The following RNF130 variants were observed in gnomAD, a reference collection of about 807,000 sequenced individuals.
The protein encoded by RNF130 is ring finger protein 130.
In RNF130, 21 loss-of-function variants were observed where a neutral mutation model predicts 44.6. The ratio of observed to expected loss-of-function variants is 0.47; its 90% CI spans 0.33 to 0.68. The LOEUF (loss-of-function observed/expected upper bound fraction) is 0.68, where lower values mean the gene tolerates loss of function less well. RNF130 is among the 30% of genes least tolerant of loss of function. RNF130 has a pLI of 0.02. For synonymous variants in RNF130, 214 were observed against 210.4 expected (o/e 1.02, Z -0.15); for missense variants, 479 against 560.6 (o/e 0.85, Z 1.47).
intron 4 of RNF130, among the ~76,000 whole-genome samples, chr5:179,979,437 C>A (rs925366936): frequency 2.6e-5 from 4 of 151,864 alleles, no homozygotes; most frequent in Non-Finnish European, 1.5e-5. Flanking sequence ...CTTCCAGGCA[C>A]AAGTCTGTGC....
intron 7 of RNF130, among the ~76,000 whole-genome samples, chr5:179,965,984 G>T (rs1762434544): frequency 1.3e-5 from 2 of 152,182 alleles, no homozygotes; most frequent in Non-Finnish European, 2.9e-5. Flanking sequence ...AGCAGCAGGT[G>T]CTGGGAAAGG....
chr5:180,067,448 G>A (rs1178216129), intron 1 of RNF130, among the ~76,000 whole-genome samples: 1 of 152,174 alleles, frequency 6.6e-6, no homozygotes, highest in Non-Finnish European at 1.5e-5. Flanking sequence ...GGCAGTAAAT[G>A]TAGATAACGT....
chr5:179,988,300 CTGATTT>C (rs1762999974), intron 3 of RNF130, among the ~76,000 whole-genome samples: 1 of 152,070 alleles, frequency 6.6e-6, no homozygotes, highest in African/African-American at 2.4e-5. Context: ...TTTTTCACTT[CTGATTT>C]TATTTGAGGC....
chr5:179,956,795 G>A (rs1182059046), intron 8 of RNF130, among the ~76,000 whole-genome samples: 2 of 152,212 alleles, frequency 1.3e-5, no homozygotes, highest in Non-Finnish European at 2.9e-5. Flanking sequence ...GTACGCACAT[G>A]AGGGCATAGC....
chr5:179,992,647 C>T (rs1763112310), intron 3 of RNF130, among the ~76,000 whole-genome samples: 1 of 152,088 alleles, frequency 6.6e-6, no homozygotes, highest in Non-Finnish European at 1.5e-5. Context: ...ATATTGACTT[C>T]TTCACATCTG....
chr5:180,026,177 T>TA (rs983786009), intron 2 of RNF130, among the ~76,000 whole-genome samples: 1 of 151,610 alleles, frequency 6.6e-6, no homozygotes, highest in Non-Finnish European at 1.5e-5. Flanking sequence ...ATAAAAAGAT[T>TA]AAAAAGCAAC....
At chr5:180,013,425 T>C in intron 2 of RNF130, 114 bp from the exon 3 acceptor site, 1 of 912,968 alleles carries the variant, frequency 1.1e-6, no homozygotes, top group Non-Finnish European at 1.6e-6. Flanking sequence ...GGAAAGGGTA[T>C]GCAAACTCCA....
At chr5:179,973,711 C>T (rs1433601467) in intron 5 of RNF130, among the ~76,000 whole-genome samples, 1 of 152,114 alleles carries the variant, frequency 6.6e-6, no homozygotes, top group East Asian at 1.9e-4. Context: ...CAGAAAGAGG[C>T]ACCTGGGGCA....
chr5:179,990,999 C>CCACA (rs1333256607), intron 3 of RNF130, among the ~76,000 whole-genome samples: 2 of 152,184 alleles, frequency 1.3e-5, no homozygotes, highest in Non-Finnish European at 2.9e-5. Flanking sequence ...GCCTCGGCAC[C>CCACA]TGGGTGGCTT....
chr5:180,064,923 T>C (rs959264440), intron 1 of RNF130, among the ~76,000 whole-genome samples: 1 of 974 alleles, frequency 1.0e-3, no homozygotes, highest in African/African-American at 1.1e-3. Context: ...AGGATTCCAC[T>C]TACTTCTCTC....
chr5:180,064,905 C>T (rs1320377630), intron 1 of RNF130, among the ~76,000 whole-genome samples: 1 of 132,172 alleles, frequency 7.6e-6, no homozygotes, highest in Admixed American at 8.2e-5. Context: ...AAAGCCAAGT[C>T]CTGAACTAGG....
chr5:179,952,840 C>T (rs1232855971), downstream of RNF130, among the ~76,000 whole-genome samples: 1 of 151,802 alleles, frequency 6.6e-6, no homozygotes, highest in Non-Finnish European at 1.5e-5. Flanking sequence ...GTAACTTTCT[C>T]AACTTGATAA....
At chr5:180,042,960 G>A (rs1012864103) in intron 1 of RNF130, among the ~76,000 whole-genome samples, 4 of 152,274 alleles carry the variant, frequency 2.6e-5, no homozygotes, top group Admixed American at 1.3e-4. Context: ...TCTTTAATTT[G>A]TACTTATTTA....
chr5:179,949,355 CTT>C (rs1437315837), intron 7 of RNF130, among the ~76,000 whole-genome samples: 5 of 151,554 alleles, frequency 3.3e-5, no homozygotes, highest in South Asian at 4.2e-4. Context: ...TCCTTGAACT[CTT>C]GGGCTCAAGT....
intron 6 of RNF130, among the ~76,000 whole-genome samples, 158 bp from the exon 7 acceptor site, chr5:179,967,168 T>C (rs1762469845): frequency 6.6e-6 from 1 of 152,170 alleles, no homozygotes; most frequent in Admixed American, 6.5e-5. Context: ...ACCTACTCCT[T>C]CTTCTCTCAC....
Position 179,996,947 on chromosome 5 carries a change from C to G in RNF130, c.693+16114G>C, listed in dbSNP as rs76143069. On this transcript the variant is annotated intron_variant, in intron 3 of 8. Transcript: ENST00000521389. ...TGCAGTGAAGGAATCAAGTGCTGGA[C>G]TTTTCTTTAATGGGAGACTTTTAAT... is the stretch of plus-strand genomic sequence containing the variant. Among the ~76,000 whole-genome samples, 883 of 152,222 alleles carry G rather than the reference C, an allele frequency of 5.8e-3. 3 individuals are homozygous for G. The highest frequency in any genetic ancestry group is 9.2e-3 in the Non-Finnish European group (628 of 68,016).
chr5:180,008,113 T>C (rs989118326), intron 3 of RNF130, among the ~76,000 whole-genome samples: 3 of 149,442 alleles, frequency 2.0e-5, no homozygotes, highest in African/African-American at 7.4e-5. Flanking sequence ...ACTTCCCCCA[T>C]AGATTCCTGA....
At chr5:179,984,404 T>G (rs550958805) in intron 3 of RNF130, among the ~76,000 whole-genome samples, 1 of 152,320 alleles carries the variant, frequency 6.6e-6, no homozygotes, top group South Asian at 2.1e-4. Context: ...AATATAATGG[T>G]GGCTGTCAGT....
chr5:180,047,482 T>C (rs1481356712), intron 1 of RNF130, among the ~76,000 whole-genome samples: 1 of 152,226 alleles, frequency 6.6e-6, no homozygotes, highest in Non-Finnish European at 1.5e-5. Context: ...TGGTGGTTCA[T>C]AGCTGTCATC....
Sources: gnomAD v4.1 joint callset for allele counts (sites outside exome capture counted in the v4.1 genomes callset) on GRCh38, gnomAD v4.1.1 for gene constraint, MANE v1.5 for transcripts, NCBI Gene and HGNC (gene_info 2026-07-23, HGNC 2026-07-21) for gene names.